SCARB2: variants seen among roughly 807,000 people sequenced by gnomAD.
The protein encoded by SCARB2 is lysosome membrane protein 2.
In SCARB2, 29 loss-of-function variants were observed where a neutral mutation model predicts 58.6. The ratio of observed to expected loss-of-function variants is 0.49; its 90% CI spans 0.37 to 0.67. The LOEUF (loss-of-function observed/expected upper bound fraction) is 0.67, where lower values mean the gene tolerates loss of function less well. SCARB2 is among the 30% of genes least tolerant of loss of function. The pLI is 0.00. For synonymous variants in SCARB2, 195 were observed against 210.1 expected (o/e 0.93, Z 0.62); for missense variants, 488 against 578.5 (o/e 0.84, Z 1.60).
intron 7 of SCARB2, among the ~76,000 whole-genome samples, chr4:76,170,540 T>G (rs1057430726): frequency 2.0e-5 from 3 of 151,968 alleles, no homozygotes; most frequent in Non-Finnish European, 2.9e-5. Context: ...TTTTGGTGGT[T>G]TTTTGTTTTG....
chr4:76,213,579 C>T lies in SCARB2; in HGVS notation c.-36G>A. ...GCTCACGGGCCGGGCCGGGCCGCAC[C>T]CGCCAGGGATCCAACTGCAAGGAGG... On this transcript the variant is annotated 5_prime_UTR_variant, in exon 1 of 12. Transcript: ENST00000264896. 2 of 1,563,932 alleles carry T rather than the reference C, an allele frequency of 1.3e-6. No homozygotes were observed. Among genetic ancestry groups the T allele is most frequent in the South Asian group, 1.1e-5 (1 of 88,888 alleles).
Position 76,213,688 on chromosome 4 carries a change from G to C in SCARB2, c.-145C>G, listed in dbSNP as rs1733127504. ...TCCCGGCGCACGGTTCGTGCGCGCA[G>C]CTCTGGGCTCCGCGGCCTGGCGAGC... is the stretch of plus-strand genomic sequence containing the variant. On this transcript the variant is annotated 5_prime_UTR_variant, in exon 1 of 12. Coordinates refer to ENST00000264896, the MANE Select transcript of SCARB2 (RefSeq NM_005506.4). 3.3e-6 allele frequency: 2 copies of C among 600,708 alleles called. No individual in the cohort carries two copies. Among genetic ancestry groups the C allele is most frequent in the East Asian group, 3.2e-5 (1 of 31,010 alleles). The allele number at this position is 600,708 out of a possible 1,614,324, so 37.2% of individuals were successfully genotyped here.
intron 10 of SCARB2, chr4:76,164,391 GT>G (rs1731958721): frequency 6.6e-6 from 1 of 152,304 alleles, no homozygotes; most frequent in African/African-American, 2.4e-5. Context: ...GCTCATGACT[GT>G]AATCCCAGCA....
At chr4:76,215,156 C>T (rs1733178092), upstream of SCARB2, among the ~76,000 whole-genome samples, 1 of 152,238 alleles carries the variant, frequency 6.6e-6, no homozygotes, top group African/African-American at 2.4e-5. Flanking sequence ...GTATGGATTT[C>T]AGCAGAGCTC....
intron 6 of SCARB2, chr4:76,175,391 T>C (rs781179701): frequency 3.8e-6 from 1 of 263,186 alleles, no homozygotes. Flanking sequence ...GAGCATATCA[T>C]AGTAACTAAG....
intron 4 of SCARB2, among the ~76,000 whole-genome samples, chr4:76,177,945 A>G (rs1732287297): frequency 6.6e-6 from 1 of 152,214 alleles, no homozygotes; most frequent in South Asian, 2.1e-4. Flanking sequence ...AATGTTCTGG[A>G]ATTAGCAGTA....
intron 1 of SCARB2, among the ~76,000 whole-genome samples, chr4:76,226,904 A>G (rs535049800): frequency 6.6e-6 from 1 of 152,120 alleles, no homozygotes; most frequent in Non-Finnish European, 1.5e-5. Flanking sequence ...GCTTTTTTGA[A>G]TCTTCTCTCT....
At chr4:76,216,424 G>C (rs1218426315), upstream of SCARB2, among the ~76,000 whole-genome samples, 2 of 152,126 alleles carry the variant, frequency 1.3e-5, no homozygotes, top group Non-Finnish European at 2.9e-5. Context: ...CAGATTTTCT[G>C]TTTGCGGGCT....
At chr4:76,191,709 TCTTTC>T (rs1238958993) in intron 2 of SCARB2, 1 of 152,154 alleles carries the variant, frequency 6.6e-6, no homozygotes, top group Non-Finnish European at 1.5e-5. Flanking sequence ...CTCTTTCTTT[TCTTTC>T]TTCTCTCTCT....
chr4:76,197,768 G>A (rs1351529066), intron 1 of SCARB2, among the ~76,000 whole-genome samples: 2 of 152,098 alleles, frequency 1.3e-5, no homozygotes, highest in South Asian at 2.1e-4. Context: ...TTTGAGTGTC[G>A]AGAATTTGTA....
intron 1 of SCARB2, among the ~76,000 whole-genome samples, chr4:76,226,664 T>C (rs1733404401): frequency 6.6e-6 from 1 of 152,208 alleles, no homozygotes; most frequent in Non-Finnish European, 1.5e-5. Context: ...AAACAAGCCC[T>C]GCCTCAGCCC....
At chr4:76,200,425 C>T (rs1419472114) in intron 1 of SCARB2, among the ~76,000 whole-genome samples, 3 of 152,184 alleles carry the variant, frequency 2.0e-5, no homozygotes, top group Non-Finnish European at 4.4e-5. Context: ...GGAAAATTAT[C>T]AAGTTCTATG....
chr4:76,231,205 T>C (rs1309330483), intron 1 of SCARB2, among the ~76,000 whole-genome samples: 1 of 152,216 alleles, frequency 6.6e-6, no homozygotes, highest in Non-Finnish European at 1.5e-5. Flanking sequence ...TGCATGATGC[T>C]TGGCTTTTGT....
rs1578744430 is a variant in SCARB2 at position 76,213,612 on chromosome 4, C to G, written c.-69G>C. The G allele has an allele frequency of 7.7e-7, 1 of 1,303,158 alleles. No individual in the cohort carries two copies. Among genetic ancestry groups the G allele is most frequent in the Non-Finnish European group, 1.1e-6 (1 of 908,090 alleles). The allele number at this position is 1,303,158 out of a possible 1,614,324, so 80.7% of individuals were successfully genotyped here. ...GATCCAACTGCAAGGAGGGAGGAGC[C>G]GCCGCAGAGGCGTCGAAGACCCGGG... On this transcript the variant is annotated 5_prime_UTR_variant, in exon 1 of 12. Coordinates refer to ENST00000264896, the MANE Select transcript of SCARB2 (RefSeq NM_005506.4).
chr4:76,195,704 T>C lies in SCARB2; in HGVS notation c.275+3A>G. ...TTCAAGACAGGAGGTGGTCAAGACT[T>C]ACCTGTAGGTGTATGGCCCCACTTC... On this transcript the variant is annotated splice_donor_region_variant and intron_variant, in intron 2 of 11. Coordinates refer to ENST00000264896, the MANE Select transcript of SCARB2 (RefSeq NM_005506.4). 1 of 1,613,640 alleles carries C rather than the reference T, an allele frequency of 6.2e-7. No homozygotes were observed. Among genetic ancestry groups the C allele is most frequent in the South Asian group, 1.1e-5 (1 of 91,060 alleles).
intron 2 of SCARB2, among the ~76,000 whole-genome samples, chr4:76,187,923 C>T (rs901994752): frequency 9.2e-5 from 14 of 151,926 alleles, no homozygotes; most frequent in African/African-American, 3.1e-4. Flanking sequence ...TACTTGTTAT[C>T]AATGAATAAT....
At chr4:76,163,134 T>A (rs756784855) in intron 11 of SCARB2, 91 bp downstream of exon 11, 1 of 1,524,498 alleles carries the variant, frequency 6.6e-7, no homozygotes, top group Non-Finnish European at 9.1e-7. Flanking sequence ...TTTATCCTAA[T>A]AAGCCAGCTG....
intron 6 of SCARB2, chr4:76,174,808 C>A (rs534229891): frequency 3.1e-5 from 5 of 159,100 alleles, no homozygotes; most frequent in South Asian, 1.8e-4. Flanking sequence ...TCAATCCCCC[C>A]CTCCAAGAAA....
chr4:76,211,796 A>C (rs1733052804), intron 1 of SCARB2, among the ~76,000 whole-genome samples: 1 of 152,202 alleles, frequency 6.6e-6, no homozygotes. Context: ...CTGCCCACTG[A>C]AACTAGCCCT....
Sources: gnomAD v4.1 joint callset for allele counts (sites outside exome capture counted in the v4.1 genomes callset) on GRCh38, gnomAD v4.1.1 for gene constraint, MANE v1.5 for transcripts, NCBI Gene and HGNC (gene_info 2026-07-23, HGNC 2026-07-21) for gene names.